Variants in CRB1 observed in about 807,000 individuals in gnomAD.
CRB1 encodes crumbs cell polarity complex component 1, also known as protein crumbs homolog 1.
A neutral mutation model predicts 120.0 loss-of-function variants in CRB1; 83 were observed. That is an observed-to-expected ratio of 0.69 (90% CI 0.58 to 0.83). The LOEUF is 0.83. Among genes scored for constraint, CRB1 ranks in the 40% least tolerant of loss-of-function variants. The probability of loss-of-function intolerance (pLI) is 0.00; values close to 1 mark genes in which losing one functional copy is unlikely to be tolerated. For missense variants in CRB1, 1,699 were observed against 1,687.6 expected (o/e 1.01, Z -0.12); for synonymous variants, 625 against 612.5 (o/e 1.02, Z -0.30).
chr1:197,306,156 T>G (rs553775326), intron 1 of CRB1, among the ~76,000 whole-genome samples: 1 of 152,054 alleles, frequency 6.6e-6, no homozygotes. Context: ...AGAACATGTT[T>G]CAGAGGAAGC....
chr1:197,399,153 C>T (rs1033869694), intron 5 of CRB1, among the ~76,000 whole-genome samples: 1 of 152,036 alleles, frequency 6.6e-6, no homozygotes, highest in African/African-American at 2.4e-5. Flanking sequence ...AGCCCCATTC[C>T]CTCAAGCCCA....
chr1:197,364,779 C>T (rs1660972171), intron 5 of CRB1, among the ~76,000 whole-genome samples: 1 of 151,918 alleles, frequency 6.6e-6, no homozygotes, highest in Non-Finnish European at 1.5e-5. Context: ...TCTGTTTTTT[C>T]TTCATCTCAG....
intron 1 of CRB1, among the ~76,000 whole-genome samples, chr1:197,274,437 C>A (rs1006997082): frequency 7.9e-5 from 12 of 152,140 alleles, no homozygotes; most frequent in African/African-American, 2.2e-4. Context: ...GTCTGAATTA[C>A]TTCATGGGAT....
At chr1:197,237,654 C>A in the CRB1 span, among the ~76,000 whole-genome samples, 2 of 152,158 alleles carry the variant, frequency 1.3e-5, no homozygotes, top group Non-Finnish European at 2.9e-5. Context: ...TTTGTAGACA[C>A]AGTTGTTCAT....
chr1:197,372,196 C>T (rs1661405541), intron 5 of CRB1, among the ~76,000 whole-genome samples: 1 of 152,140 alleles, frequency 6.6e-6, no homozygotes, highest in Admixed American at 6.5e-5. Flanking sequence ...TTCAACTCTA[C>T]TCCCCAGGGC....
chr1:197,318,534 A>G (rs1283511387), intron 1 of CRB1, among the ~76,000 whole-genome samples: 1 of 152,222 alleles, frequency 6.6e-6, no homozygotes, highest in Non-Finnish European at 1.5e-5. Flanking sequence ...GGTACTTCGA[A>G]GAGATATCTG....
At chr1:197,388,953 G>T (rs923533192) in intron 5 of CRB1, among the ~76,000 whole-genome samples, 1 of 152,054 alleles carries the variant, frequency 6.6e-6, no homozygotes. Flanking sequence ...CACATGAAAA[G>T]ATGCTGAACA....
At chr1:197,268,900 A>G (rs980035824) in intron 1 of CRB1, among the ~76,000 whole-genome samples, 1 of 152,206 alleles carries the variant, frequency 6.6e-6, no homozygotes, top group Non-Finnish European at 1.5e-5. Context: ...TCACTTTTAA[A>G]TAACTCTGTG....
chr1:197,259,682 CTTAAAG>C, the CRB1 span, among the ~76,000 whole-genome samples: 9 of 152,108 alleles, frequency 5.9e-5, no homozygotes, highest in South Asian at 4.2e-4. Flanking sequence ...TATACCTGAA[CTTAAAG>C]TTAAAAAAAG....
intron 11 of CRB1, 110 bp downstream of exon 11, chr1:197,442,402 A>C (rs1177791058): frequency 1.2e-6 from 2 of 1,604,794 alleles, no homozygotes; most frequent in East Asian, 4.5e-5. Flanking sequence ...GAGTGGGGTG[A>C]ACAGGAAGAT....
At chr1:197,399,788 G>A (rs184922424) in intron 5 of CRB1, among the ~76,000 whole-genome samples, 1 of 152,046 alleles carries the variant, frequency 6.6e-6, no homozygotes, top group Non-Finnish European at 1.5e-5. Flanking sequence ...GTTTTTGGCA[G>A]GTACAAATTC....
chr1:197,333,789 G>C (rs1290871413), intron 2 of CRB1, among the ~76,000 whole-genome samples: 1 of 152,170 alleles, frequency 6.6e-6, no homozygotes, highest in African/African-American at 2.4e-5. Context: ...GACTAGTTAG[G>C]AGGCCATTGT....
intron 11 of CRB1, among the ~76,000 whole-genome samples, chr1:197,468,875 G>A (rs996995264): frequency 1.3e-5 from 2 of 152,168 alleles, no homozygotes; most frequent in African/African-American, 4.8e-5. Flanking sequence ...TTAAAAAGAG[G>A]AGAGGCATGA....
At chr1:197,446,087 G>T (rs946445633) in intron 11 of CRB1, among the ~76,000 whole-genome samples, 1 of 152,050 alleles carries the variant, frequency 6.6e-6, no homozygotes, top group Non-Finnish European at 1.5e-5. Context: ...CCACTCAGGA[G>T]GCCGAGGAAG....
chr1:197,206,985 T>A, the CRB1 span, among the ~76,000 whole-genome samples: 2 of 152,184 alleles, frequency 1.3e-5, no homozygotes, highest in Non-Finnish European at 2.9e-5. Flanking sequence ...TATCATTATA[T>A]AATTTCCCTC....
At position 197,328,604 on chromosome 1, in the gene CRB1, T is replaced by C. The variant is rs1195391388; in HGVS notation, c.253T>C (p.Cys85Arg). The change falls in exon 2 of 12, where the codon TGT becomes CGT. Residue 85 changes from cysteine (C) to arginine (R), a missense_variant. Physicochemically the swap from Cys to Arg is radical, Grantham distance 180. Transcript: ENST00000367400. ...FSNPCQGSATCVNTPGERSFL... is the reference protein window; with the variant it reads ...FSNPCQGSATRVNTPGERSFL... ...CAATCCCTGTCAAGGAAGTGCCACTTGTGTGAACACCCCAGGAGAAAGGAG... is the reference window on the plus strand; with the variant it reads ...CAATCCCTGTCAAGGAAGTGCCACTCGTGTGAACACCCCAGGAGAAAGGAG... 5 of 1,614,238 alleles carry C rather than the reference T, an allele frequency of 3.1e-6. No individual in the cohort carries two copies. Among genetic ancestry groups the C allele is most frequent in the Non-Finnish European group, 4.2e-6 (5 of 1,180,030 alleles).
At chr1:197,303,585 G>A (rs1657001665) in intron 1 of CRB1, among the ~76,000 whole-genome samples, 1 of 151,034 alleles carries the variant, frequency 6.6e-6, no homozygotes. Flanking sequence ...TAAGTGTCAA[G>A]TCATCTCAAA....
intron 2 of CRB1, among the ~76,000 whole-genome samples, chr1:197,339,670 C>T (rs1659346031): frequency 6.6e-6 from 1 of 152,158 alleles, no homozygotes; most frequent in Non-Finnish European, 1.5e-5. Flanking sequence ...AAGTCAAGAC[C>T]TGTTCCATCC....
intron 5 of CRB1, among the ~76,000 whole-genome samples, chr1:197,410,914 G>A (rs941801709): frequency 5.9e-5 from 9 of 152,178 alleles, no homozygotes; most frequent in African/African-American, 2.2e-4. Flanking sequence ...TGCTTGATGA[G>A]CATCAACTGC....
Sources: gnomAD v4.1 joint callset for allele counts (sites outside exome capture counted in the v4.1 genomes callset) on GRCh38, gnomAD v4.1.1 for gene constraint, MANE v1.5 for transcripts, NCBI Gene and HGNC (gene_info 2026-07-23, HGNC 2026-07-21) for gene names.